GRIP1: variants seen among roughly 807,000 people sequenced by gnomAD.
The protein encoded by GRIP1 is glutamate receptor interacting protein 1, also known as glutamate receptor-interacting protein 1.
GRIP1 carries 45 observed loss-of-function variants against 129.9 expected under a neutral mutation model. The observed-to-expected ratio is 0.35, with a 90% CI of 0.27 to 0.44. The LOEUF (loss-of-function observed/expected upper bound fraction) is 0.44, where lower values mean the gene tolerates loss of function less well. Ranked by LOEUF, GRIP1 falls within the 20% of genes least tolerant of loss-of-function variation. The pLI, the probability that GRIP1 is intolerant of heterozygous loss-of-function variation, is 1.00. For missense variants in GRIP1, 1,196 were observed against 1,396.8 expected, an observed-to-expected ratio of 0.86 and a Z score of 2.29; for synonymous variants, 530 against 520.8, an observed-to-expected ratio of 1.02 and a Z score of -0.24.
intron 1 of GRIP1, among the ~76,000 whole-genome samples, chr12:66,902,329 T>C (rs2040856762): frequency 6.6e-6 from 1 of 152,228 alleles, no homozygotes; most frequent in Non-Finnish European, 1.5e-5. Flanking sequence ...ATGCCAATCA[T>C]ATCACCAACA....
intron 1 of GRIP1, among the ~76,000 whole-genome samples, chr12:66,847,085 A>T (rs2137066915): frequency 6.6e-6 from 1 of 152,318 alleles, no homozygotes; most frequent in African/African-American, 2.4e-5. Flanking sequence ...AGGGGAAACC[A>T]CTGACCTCTA....
At chr12:66,887,106 T>C (rs1017232475) in intron 1 of GRIP1, among the ~76,000 whole-genome samples, 11 of 152,222 alleles carry the variant, frequency 7.2e-5, no homozygotes, top group African/African-American at 2.7e-4. Context: ...CACTTGATCT[T>C]ATGCTTTGTT....
At chr12:66,970,077 C>A (rs572110675) in intron 1 of GRIP1, among the ~76,000 whole-genome samples, 4 of 152,038 alleles carry the variant, frequency 2.6e-5, no homozygotes, top group African/African-American at 4.8e-5. Flanking sequence ...TTTTTCCTTG[C>A]CTGTTAGCAT....
chr12:66,834,589 C>T (rs935483234), intron 1 of GRIP1, among the ~76,000 whole-genome samples: 1 of 152,122 alleles, frequency 6.6e-6, no homozygotes, highest in Admixed American at 6.5e-5. Context: ...TTATCATTTT[C>T]GTATGTATTT....
intron 1 of GRIP1, among the ~76,000 whole-genome samples, chr12:66,918,728 G>A (rs1640737463): frequency 6.6e-6 from 1 of 152,104 alleles, no homozygotes; most frequent in African/African-American, 2.4e-5. Flanking sequence ...CTGCCCCCAT[G>A]AAAGAGTAAT....
intron 2 of GRIP1, among the ~76,000 whole-genome samples, chr12:66,575,108 A>G (rs1473283111): frequency 1.3e-5 from 2 of 152,122 alleles, no homozygotes; most frequent in Non-Finnish European, 2.9e-5. Context: ...CAGAGTTGGG[A>G]GAGGTCCCTT....
chr12:66,745,642 G>A (rs1231781935), intron 1 of GRIP1, among the ~76,000 whole-genome samples: 1 of 152,172 alleles, frequency 6.6e-6, no homozygotes, highest in African/African-American at 2.4e-5. Flanking sequence ...AGAGCAAGTA[G>A]AAGTAAACTT....
intron 1 of GRIP1, among the ~76,000 whole-genome samples, chr12:67,052,738 T>C (rs1283055660): frequency 4.6e-5 from 5 of 109,004 alleles, no homozygotes; most frequent in Middle Eastern, 0.012. Flanking sequence ...CCAGCGTGGG[T>C]AACAGAGCAG....
At chr12:66,885,444 C>T (rs2040549579) in intron 1 of GRIP1, among the ~76,000 whole-genome samples, 1 of 152,146 alleles carries the variant, frequency 6.6e-6, no homozygotes, top group African/African-American at 2.4e-5. Flanking sequence ...AAATCTGTAG[C>T]AAAGGCTGTG....
intron 1 of GRIP1, among the ~76,000 whole-genome samples, chr12:66,727,943 C>T (rs2036308619): frequency 6.6e-6 from 1 of 152,122 alleles, no homozygotes; most frequent in Non-Finnish European, 1.5e-5. Flanking sequence ...GAAATAATTT[C>T]AATATTTTTA....
intron 7 of GRIP1, among the ~76,000 whole-genome samples, chr12:66,497,879 T>A (rs367562522): frequency 2.0e-5 from 3 of 152,118 alleles, no homozygotes; most frequent in Admixed American, 6.6e-5. Context: ...GAAGTGAATA[T>A]GCCCTGCCCT....
At chr12:66,810,926 T>C (rs1324442987) in intron 1 of GRIP1, among the ~76,000 whole-genome samples, 1 of 152,216 alleles carries the variant, frequency 6.6e-6, no homozygotes, top group Non-Finnish European at 1.5e-5. Flanking sequence ...AATTCATCCA[T>C]CTGTGAGCTA....
intron 1 of GRIP1, among the ~76,000 whole-genome samples, chr12:66,977,984 T>C (rs912067658): frequency 2.0e-5 from 3 of 151,792 alleles, no homozygotes; most frequent in African/African-American, 4.8e-5. Flanking sequence ...GGCTAAGTTT[T>C]TTTTTATTTT....
intron 14 of GRIP1, among the ~76,000 whole-genome samples, chr12:66,421,130 C>G (rs1414803625): frequency 6.6e-6 from 1 of 152,160 alleles, no homozygotes; most frequent in Non-Finnish European, 1.5e-5. Flanking sequence ...CAATTGGGGG[C>G]TCCCCTTAGT....
rs1858540064 is a variant in GRIP1, at chr12:66,855,247, T to G, written c.58+213803A>C. ...AAGTCACTTTGAAGGACATCACTATTTTCTCAAAATCAAACTACCCTCTAA... is the reference window on the plus strand; with the variant it reads ...AAGTCACTTTGAAGGACATCACTATGTTCTCAAAATCAAACTACCCTCTAA... On this transcript the variant is annotated intron_variant, in intron 1 of 1. Transcript: ENST00000643019. 2.0e-5 allele frequency among the ~76,000 whole-genome samples: 3 copies of G among 152,092 alleles called. No homozygotes were observed. The South Asian group carries it at 6.2e-4, about 32-fold the overall frequency.
chr12:66,976,731 G>A (rs2042157820), intron 1 of GRIP1, among the ~76,000 whole-genome samples: 1 of 152,168 alleles, frequency 6.6e-6, no homozygotes, highest in South Asian at 2.1e-4. Flanking sequence ...TACAAAGGTT[G>A]AGTAAGTATG....
At chr12:66,594,373 A>G (rs534476332) in intron 2 of GRIP1, among the ~76,000 whole-genome samples, 2 of 152,346 alleles carry the variant, frequency 1.3e-5, no homozygotes, top group South Asian at 4.1e-4. Flanking sequence ...AAGCTTGTCC[A>G]ATCCACAACC....
rs1555177931 is a variant in GRIP1 at position 66,401,598 on chromosome 12, G to GTATATATA, written c.1984+4677_1984+4684dup. Among the ~76,000 whole-genome samples, 120 of 66,256 alleles carry GTATATATA rather than the reference G, an allele frequency of 1.8e-3. 3 individuals carry two copies. Among genetic ancestry groups the GTATATATA allele is most frequent in the Admixed American group, 4.9e-3 (28 of 5,734 alleles). The allele number at this position is 66,256 out of a possible 152,430, so 43.5% of individuals were successfully genotyped here. A position where few individuals can be genotyped will look rare whatever the true frequency, so the allele number is the denominator to read the frequency against. Reference sequence around the variant, plus strand: ...CCGTCTCAAAAAAAAAAATATGTGTGTATATATATATACACACACACACAC... The same window carrying GTATATATA: ...CCGTCTCAAAAAAAAAAATATGTGTGTATATATATATATATATATACACACACACACAC... On this transcript the variant is annotated intron_variant, in intron 16 of 24. Transcript: ENST00000359742.
chr12:66,743,361 G>A (rs2036847051), intron 1 of GRIP1, among the ~76,000 whole-genome samples: 3 of 152,036 alleles, frequency 2.0e-5, no homozygotes, highest in Admixed American at 6.5e-5. Context: ...CAGGAGTCTT[G>A]CTATTATCCA....
Sources: allele counts gnomAD v4.1 joint callset (sites outside exome capture counted in the v4.1 genomes callset), GRCh38; gene constraint gnomAD v4.1.1; transcripts MANE v1.5; gene names NCBI Gene and HGNC (gene_info 2026-07-23, HGNC 2026-07-21).